ANKRD36: variants seen among roughly 807,000 people sequenced by gnomAD.
ANKRD36 encodes the protein ankyrin repeat domain 36, also known as ankyrin repeat domain-containing protein 36A.
A neutral mutation model predicts 278.1 loss-of-function variants in ANKRD36; 179 were observed. The ratio of observed to expected loss-of-function variants is 0.64; its 90% confidence interval spans 0.57 to 0.73. The LOEUF (loss-of-function observed/expected upper bound fraction) is 0.73. Among genes scored for constraint, ANKRD36 ranks in the 30% least tolerant of loss-of-function variants. The pLI is 0.00. For missense variants in ANKRD36, 1,159 were observed against 1,956.7 expected, an observed-to-expected ratio of 0.59 and a Z score of 7.69; for synonymous variants, 320 against 641.1, an observed-to-expected ratio of 0.50 and a Z score of 7.57.
At chr2:97,199,989 T>A (rs867634256) in intron 44 of ANKRD36, among the ~76,000 whole-genome samples, 8 of 151,878 alleles carry the variant, frequency 5.3e-5, no homozygotes, top group Non-Finnish European at 8.8e-5. Flanking sequence ...TAGCACCTGT[T>A]TTGACATTGA....
chr2:97,153,993 A>G (rs201758787), intron 14 of ANKRD36, among the ~76,000 whole-genome samples: 5,760 of 85,766 alleles, frequency 0.067, 5 homozygotes, highest in Non-Finnish European at 0.1. Context: ...GATCTATATA[A>G]TGACAATAAT....
chr2:97,232,098 C>A (rs1445088793), intron 67 of ANKRD36, among the ~76,000 whole-genome samples: 18 of 152,000 alleles, frequency 1.2e-4, no homozygotes, highest in African/African-American at 3.9e-4. Flanking sequence ...TAGTTACAAT[C>A]CAGTGATTTG....
At chr2:97,144,966 T>G (rs1485501539) in intron 10 of ANKRD36, among the ~76,000 whole-genome samples, 3 of 151,832 alleles carry the variant, frequency 2.0e-5, no homozygotes, top group Admixed American at 6.6e-5. Flanking sequence ...GATACAAGAG[T>G]CTGAGGGGAC....
At chr2:97,146,562 T>C (rs772506793) in intron 11 of ANKRD36, 46 bp downstream of exon 11, 26 of 1,430,194 alleles carry the variant, frequency 1.8e-5, no homozygotes, top group Non-Finnish European at 2.4e-5. Context: ...ACTTAGTTAA[T>C]AGAGAGAATA....
chr2:97,225,613 GCTTTT>G (rs1185198512), intron 67 of ANKRD36, among the ~76,000 whole-genome samples: 1 of 152,028 alleles, frequency 6.6e-6, no homozygotes, highest in Non-Finnish European at 1.5e-5. Context: ...GTAAGAATTT[GCTTTT>G]CTTTTTTTAT....
At chr2:97,222,459 T>C (rs1254196570) in intron 66 of ANKRD36, among the ~76,000 whole-genome samples, 1 of 152,094 alleles carries the variant, frequency 6.6e-6, no homozygotes, top group Non-Finnish European at 1.5e-5. Flanking sequence ...GTAGGAGGGT[T>C]CTGCTTTCTC....
At chr2:97,116,463 C>T (rs955984628) in intron 1 of ANKRD36, among the ~76,000 whole-genome samples, 2 of 151,832 alleles carry the variant, frequency 1.3e-5, no homozygotes, top group Non-Finnish European at 2.9e-5. Context: ...TTAGTAAAGA[C>T]GGGGTTCACC....
chr2:97,240,987 T>G (rs1178440362), intron 68 of ANKRD36, among the ~76,000 whole-genome samples: 11 of 30,818 alleles, frequency 3.6e-4, no homozygotes, highest in South Asian at 3.0e-3. Flanking sequence ...ACTATGTTTT[T>G]TTTTTTTTTT....
Position 97,113,749 on chromosome 2 carries a change from G to C in ANKRD36, c.10G>C (p.Gly4Arg), listed in dbSNP as rs545826736. Residue 4 changes from glycine to arginine, a missense_variant, in exon 1 of 76, where the codon GGC becomes CGC. Physicochemically the swap from Gly to Arg is moderately radical, Grantham distance 125. Transcript: ENST00000420699. ...TTTGCAGCCGACGATTATGGAAGACGGCAAGCGGGAGAGGTGGCCCACCCT... is the reference window on the plus strand; with the variant it reads ...TTTGCAGCCGACGATTATGGAAGACCGCAAGCGGGAGAGGTGGCCCACCCT... MED[G>R]KRERWPTLME... 7.5e-6 allele frequency: 12 copies of C among 1,610,712 alleles called. No individual in the cohort carries two copies. The highest frequency in any genetic ancestry group is 3.3e-5 in the Admixed American group (2 of 59,764).
intron 26 of ANKRD36, among the ~76,000 whole-genome samples, chr2:97,182,965 G>A (rs1436301867): frequency 6.6e-6 from 1 of 151,658 alleles, no homozygotes; most frequent in Non-Finnish European, 1.5e-5. Context: ...GACTCGTGAA[G>A]TGTACATTCT....
At chr2:97,221,895 G>A (rs556253832) in intron 66 of ANKRD36, among the ~76,000 whole-genome samples, 340 of 147,968 alleles carry the variant, frequency 2.3e-3, no homozygotes, top group African/African-American at 8.1e-3. Context: ...TTTCTTCTAG[G>A]GTTTTTATGG....
chr2:97,196,770 G>T lies in ANKRD36; in HGVS notation c.2635G>T (p.Gly879Ter). Reference protein sequence around the residue: ...VLGIARENKDGEKSRTVSSEK... With the variant: ...VLGIARENKD ...GGGTATAGCCAGAGAAAACAAGGAT[G>T]GAGAAAAATCTAGGACAGGTAATTC... is the stretch of plus-strand genomic sequence containing the variant. The change falls in exon 42 of 76, where the codon GGA becomes TGA. Residue 879 changes from glycine (G) to a stop codon, truncating the protein, a stop_gained. Transcript: ENST00000420699. LOFTEE classifies it high-confidence loss of function. 2 of 1,549,190 alleles carry T rather than the reference G, an allele frequency of 1.3e-6. No individual in the cohort carries two copies.
intron 67 of ANKRD36, among the ~76,000 whole-genome samples, chr2:97,227,636 G>T (rs1298682034): frequency 6.6e-6 from 1 of 152,058 alleles, no homozygotes; most frequent in Non-Finnish European, 1.5e-5. Flanking sequence ...CTGCCTAATG[G>T]CCCTAACCAG....
chr2:97,225,115 T>G (rs1422460508), intron 67 of ANKRD36, among the ~76,000 whole-genome samples: 3 of 151,944 alleles, frequency 2.0e-5, no homozygotes, highest in South Asian at 2.1e-4. Context: ...TTCCTGATAT[T>G]GTTTGCACTT....
chr2:97,175,163 C>T (rs1334013867), intron 22 of ANKRD36, among the ~76,000 whole-genome samples: 2 of 150,332 alleles, frequency 1.3e-5, no homozygotes, highest in Admixed American at 6.7e-5. Context: ...GGAGGATTCC[C>T]TCTTTTTCTA....
At chr2:97,138,477 A>T (rs1234862596) in intron 6 of ANKRD36, among the ~76,000 whole-genome samples, 2 of 152,130 alleles carry the variant, frequency 1.3e-5, no homozygotes, top group Non-Finnish European at 2.9e-5. Context: ...CATAGTTAGG[A>T]AGAATCAATA....
intron 67 of ANKRD36, among the ~76,000 whole-genome samples, chr2:97,233,378 CTT>C (rs1477508302): frequency 6.7e-6 from 1 of 149,572 alleles, no homozygotes; most frequent in Non-Finnish European, 1.5e-5. Context: ...ATGAAAATCT[CTT>C]GTGTAAAATG....
At chr2:97,204,580 A>G (rs3926004) in intron 50 of ANKRD36, among the ~76,000 whole-genome samples, 90,642 of 150,772 alleles carry the variant, frequency 0.6, 30,796 homozygotes, top group Non-Finnish European at 0.78. Flanking sequence ...GGTGGAGGGG[A>G]AAAGAGAGGA....
chr2:97,210,694 A>C (rs1000766169), intron 56 of ANKRD36, among the ~76,000 whole-genome samples: 2 of 151,878 alleles, frequency 1.3e-5, no homozygotes, highest in African/African-American at 4.8e-5. Context: ...TCCCAAAAAG[A>C]CTATTTTAGA....
Sources: allele counts gnomAD v4.1 joint callset (sites outside exome capture counted in the v4.1 genomes callset), GRCh38; gene constraint gnomAD v4.1.1; transcripts MANE v1.5; gene names NCBI Gene and HGNC (gene_info 2026-07-23, HGNC 2026-07-21).